Variants in COL13A1 observed in about 807,000 individuals in gnomAD.
The protein encoded by COL13A1 is collagen alpha-1(XIII) chain.
A neutral mutation model predicts 130.9 loss-of-function variants in COL13A1; 89 were observed. That is an observed-to-expected ratio of 0.68 (90% CI 0.57 to 0.81). The LOEUF is 0.81. Among genes scored for constraint, COL13A1 ranks in the 30% least tolerant of loss-of-function variants. The pLI is 0.00. For missense variants in COL13A1, 879 were observed against 934.6 expected (o/e 0.94, Z 0.78); for synonymous variants, 402 against 341.6 (o/e 1.18, Z -1.95).
intron 2 of COL13A1, among the ~76,000 whole-genome samples, chr10:69,840,598 T>C (rs1851339433): frequency 6.6e-6 from 1 of 152,092 alleles, no homozygotes; most frequent in Admixed American, 6.5e-5. Context: ...CTTTGAAACT[T>C]GAGTGAGGTA....
intron 30 of COL13A1, 101 bp downstream of exon 30, chr10:69,930,653 G>A: frequency 7.4e-7 from 1 of 1,355,536 alleles, no homozygotes; most frequent in Non-Finnish European, 9.9e-7. Context: ...GCTGCTGCCT[G>A]GGCTAGAAAC....
chr10:69,812,946 T>A (rs1413215244), intron 1 of COL13A1, among the ~76,000 whole-genome samples: 3 of 152,308 alleles, frequency 2.0e-5, no homozygotes, highest in African/African-American at 7.2e-5. Context: ...CGGCTGGCTC[T>A]CAGCTCCTTG....
intron 39 of COL13A1, chr10:69,954,169 G>C (rs1036024855): frequency 6.6e-6 from 1 of 152,562 alleles, no homozygotes; most frequent in African/African-American, 2.4e-5. Flanking sequence ...TTCTGTAAAT[G>C]CCAAGGGTCA....
At chr10:69,841,161 C>T (rs980302098) in intron 2 of COL13A1, among the ~76,000 whole-genome samples, 11 of 151,942 alleles carry the variant, frequency 7.2e-5, no homozygotes, top group Non-Finnish European at 1.2e-4. Context: ...CCTGCTCTTC[C>T]CTCTGCCAGG....
chr10:69,813,814 C>T (rs1843697917), intron 1 of COL13A1, among the ~76,000 whole-genome samples: 2 of 152,170 alleles, frequency 1.3e-5, no homozygotes, highest in African/African-American at 4.8e-5. Context: ...TGGAGCCAGC[C>T]CTCTCCTGCA....
chr10:69,888,191 T>C (rs1589307075), intron 8 of COL13A1, 113 bp from the exon 9 acceptor site: 8 of 1,286,086 alleles, frequency 6.2e-6, no homozygotes, highest in Non-Finnish European at 5.5e-6. Flanking sequence ...AGCAGGGCCT[T>C]GAGCTCCAAC....
chr10:69,841,097 C>A (rs1284054529), intron 2 of COL13A1, among the ~76,000 whole-genome samples: 1 of 151,512 alleles, frequency 6.6e-6, no homozygotes, highest in African/African-American at 2.4e-5. Context: ...GGACTCCCTG[C>A]AGCACAGCCA....
At chr10:69,818,544 T>C (rs1234901) in intron 1 of COL13A1, among the ~76,000 whole-genome samples, 128,825 of 152,262 alleles carry the variant, frequency 0.85, 54,732 homozygotes, top group South Asian at 0.89. Flanking sequence ...CATGTGATTA[T>C]GGAGATGAGA....
chr10:69,824,314 A>T (rs2132681917), intron 2 of COL13A1, among the ~76,000 whole-genome samples: 1 of 152,334 alleles, frequency 6.6e-6, no homozygotes, highest in Admixed American at 6.5e-5. Flanking sequence ...GCCATGTCCT[A>T]GTGTTGGGGG....
intron 40 of COL13A1, among the ~76,000 whole-genome samples, chr10:69,957,766 C>T (rs1230866886): frequency 6.6e-6 from 1 of 152,148 alleles, no homozygotes; most frequent in Non-Finnish European, 1.5e-5. Flanking sequence ...GCCTTGGTCC[C>T]CAGCAATGGT....
At chr10:69,884,405 G>A (rs1463016689) in intron 7 of COL13A1, among the ~76,000 whole-genome samples, 1 of 152,218 alleles carries the variant, frequency 6.6e-6, no homozygotes, top group Non-Finnish European at 1.5e-5. Flanking sequence ...TGTTGGTGAG[G>A]GAGGCAGAAT....
At chr10:69,931,866 C>T (rs571699913) in intron 30 of COL13A1, among the ~76,000 whole-genome samples, 30 of 152,336 alleles carry the variant, frequency 2.0e-4, no homozygotes, top group South Asian at 1.2e-3. Context: ...CAGGCACATC[C>T]TAGTTGGGTC....
At chr10:69,803,919 C>T (rs915107036) in intron 1 of COL13A1, among the ~76,000 whole-genome samples, 1 of 152,166 alleles carries the variant, frequency 6.6e-6, no homozygotes, top group African/African-American at 2.4e-5. Context: ...CCAGGCTCTT[C>T]TCAGCTGCCC....
At chr10:69,828,393 C>A (rs552238534) in intron 2 of COL13A1, among the ~76,000 whole-genome samples, 14 of 152,230 alleles carry the variant, frequency 9.2e-5, no homozygotes, top group African/African-American at 3.4e-4. Flanking sequence ...TCACCCACTG[C>A]ACTCCATCAG....
Position 69,833,844 on chromosome 10 carries a change from G to A in COL13A1, c.364+11406G>A, listed in dbSNP as rs568575159. ...CTCCTGCGGAGGGATGGAGTAGGAGGTACGGCTGGAAAGAAAAGTTGGGGG... is the reference window on the plus strand; with the variant it reads ...CTCCTGCGGAGGGATGGAGTAGGAGATACGGCTGGAAAGAAAAGTTGGGGG... On this transcript the variant is annotated intron_variant, in intron 2 of 40. Transcript: ENST00000645393. Among the ~76,000 whole-genome samples the A allele has an allele frequency of 5.9e-5, 9 of 152,316 alleles. No individual in the cohort carries two copies. In the South Asian group the frequency reaches 1.9e-3, roughly 32 times the overall value.
At chr10:69,839,567 G>C (rs1445809849) in intron 2 of COL13A1, among the ~76,000 whole-genome samples, 1 of 152,242 alleles carries the variant, frequency 6.6e-6, no homozygotes. Flanking sequence ...AGAGCTAACA[G>C]ATGATCCTGA....
At chr10:69,847,406 A>G (rs992509205) in intron 2 of COL13A1, among the ~76,000 whole-genome samples, 3 of 152,228 alleles carry the variant, frequency 2.0e-5, no homozygotes, top group African/African-American at 7.2e-5. Context: ...ACTGCAATCT[A>G]TTAAATGAGG....
chr10:69,923,950 A>G, intron 24 of COL13A1, 95 bp downstream of exon 24: 2 of 1,491,560 alleles, frequency 1.3e-6, no homozygotes, highest in South Asian at 2.4e-5. Flanking sequence ...CCCTCAGGGC[A>G]CAAGGCTGAC....
chr10:69,834,331 C>T (rs998985809), intron 2 of COL13A1, among the ~76,000 whole-genome samples: 4 of 152,126 alleles, frequency 2.6e-5, no homozygotes, highest in South Asian at 2.1e-4. Context: ...TGGGGACCCC[C>T]GCTCTAAGAG....
Sources: gnomAD v4.1 joint callset for allele counts (sites outside exome capture counted in the v4.1 genomes callset) on GRCh38, gnomAD v4.1.1 for gene constraint, MANE v1.5 for transcripts, NCBI Gene and HGNC (gene_info 2026-07-23, HGNC 2026-07-21) for gene names.